The following CASR variants were observed in gnomAD, a reference collection of about 807,000 sequenced individuals.
CASR encodes the protein calcium sensing receptor.
A neutral mutation model predicts 69.1 loss-of-function variants in CASR; 23 were observed. That is an observed-to-expected ratio of 0.33 (90% CI 0.24 to 0.47). The LOEUF (loss-of-function observed/expected upper bound fraction) is 0.47, where lower values mean the gene tolerates loss of function less well. Among genes scored for constraint, CASR ranks in the 20% least tolerant of loss-of-function variants. The pLI is 1.00. For synonymous variants in CASR, 541 were observed against 544.7 expected, an observed-to-expected ratio of 0.99 and a Z score of 0.10; for missense variants, 924 against 1,356.1, an observed-to-expected ratio of 0.68 and a Z score of 5.00.
intron 4 of CASR, among the ~76,000 whole-genome samples, chr3:122,268,808 CA>C (rs1576864613): frequency 1.3e-5 from 2 of 152,294 alleles, no homozygotes; most frequent in East Asian, 3.9e-4. Context: ...GATACAGGCA[CA>C]GATAAGGGAG....
intron 2 of CASR, among the ~76,000 whole-genome samples, chr3:122,256,503 C>A (rs1430339585): frequency 1.3e-5 from 2 of 150,980 alleles, no homozygotes; most frequent in African/African-American, 2.5e-5. Context: ...TTATTATTGT[C>A]ATTATTGCTC....
chr3:122,209,744 G>A (rs2074043680), intron 1 of CASR, among the ~76,000 whole-genome samples: 1 of 152,094 alleles, frequency 6.6e-6, no homozygotes, highest in Admixed American at 6.6e-5. Flanking sequence ...ATTTTATGAG[G>A]CCAACATCAT....
At chr3:122,240,703 C>T (rs1225232736) in intron 1 of CASR, among the ~76,000 whole-genome samples, 2 of 152,156 alleles carry the variant, frequency 1.3e-5, no homozygotes, top group East Asian at 1.9e-4. Context: ...ATTTACAGAA[C>T]GTTTCATCTA....
At chr3:122,236,510 T>G (rs1049207013) in intron 1 of CASR, among the ~76,000 whole-genome samples, 1 of 152,106 alleles carries the variant, frequency 6.6e-6, no homozygotes. Flanking sequence ...AAAATAAAAT[T>G]CAGTTTGAAC....
At chr3:122,254,914 C>G (rs1182542242) in intron 2 of CASR, among the ~76,000 whole-genome samples, 1 of 152,042 alleles carries the variant, frequency 6.6e-6, no homozygotes, top group African/African-American at 2.4e-5. Context: ...CTACTGCCAT[C>G]AAAAAGTCTT....
At chr3:122,226,227 G>C (rs780053335) in intron 1 of CASR, among the ~76,000 whole-genome samples, 10 of 152,136 alleles carry the variant, frequency 6.6e-5, no homozygotes, top group Non-Finnish European at 1.5e-4. Context: ...TGTGTTCGGA[G>C]TTTCTTCCTT....
At chr3:122,264,573 C>A (rs1159900287) in intron 4 of CASR, among the ~76,000 whole-genome samples, 1 of 152,190 alleles carries the variant, frequency 6.6e-6, no homozygotes, top group Non-Finnish European at 1.5e-5. Flanking sequence ...TTCACCCAAC[C>A]ATGGCCCAGG....
At chr3:122,270,630 C>T (rs2074747701) in intron 4 of CASR, among the ~76,000 whole-genome samples, 4 of 152,274 alleles carry the variant, frequency 2.6e-5, no homozygotes, top group Middle Eastern at 6.8e-3. Flanking sequence ...ATAATATAGA[C>T]ATTTACTGCT....
chr3:122,272,218 T>A (rs2074768199), intron 4 of CASR, among the ~76,000 whole-genome samples: 1 of 152,104 alleles, frequency 6.6e-6, no homozygotes, highest in Non-Finnish European at 1.5e-5. Context: ...CCAGTTTACA[T>A]CCCCACCAGC....
chr3:122,247,639 T>C lies in CASR; in HGVS notation c.-242-6309T>C, dbSNP rs1576846880. The stretch of plus-strand genomic sequence containing the variant: ...AGTCCTATGTGGACACAGAGTTTGT[T>C]ATGTTGCCGGCAGTACACACAAGTA... On this transcript the variant is annotated intron_variant, in intron 1 of 6. Transcript: ENST00000639785. The C allele has an allele frequency of 2.6e-5, 4 of 152,226 alleles. No homozygotes were observed. The South Asian group carries it at 8.3e-4, about 31-fold the overall frequency. The allele number at this position is 152,226 out of a possible 1,614,324, so 9.4% of individuals were successfully genotyped here.
chr3:122,225,261 A>C (rs1267746553), intron 1 of CASR, among the ~76,000 whole-genome samples: 3 of 152,178 alleles, frequency 2.0e-5, no homozygotes, highest in Non-Finnish European at 4.4e-5. Context: ...AGCAAACAAA[A>C]CTATCAACAG....
intron 1 of CASR, among the ~76,000 whole-genome samples, chr3:122,231,081 T>C (rs972457939): frequency 1.3e-5 from 2 of 152,188 alleles, no homozygotes; most frequent in African/African-American, 2.4e-5. Flanking sequence ...GCAGTCACTT[T>C]AGAGACATCA....
intron 1 of CASR, among the ~76,000 whole-genome samples, chr3:122,196,805 C>A (rs1459051605): frequency 1.3e-5 from 2 of 151,786 alleles, no homozygotes; most frequent in Non-Finnish European, 2.9e-5. Flanking sequence ...CCTTTGCTAC[C>A]CCCAGTTTTA....
At chr3:122,279,345 C>G (rs1379975084) in intron 5 of CASR, among the ~76,000 whole-genome samples, 1 of 152,088 alleles carries the variant, frequency 6.6e-6, no homozygotes, top group Non-Finnish European at 1.5e-5. Flanking sequence ...AGAAGGAAAG[C>G]TACTAAATTT....
intron 1 of CASR, among the ~76,000 whole-genome samples, chr3:122,217,393 G>A (rs529585618): frequency 6.6e-6 from 1 of 152,228 alleles, no homozygotes; most frequent in African/African-American, 2.4e-5. Context: ...GAGCCACCAC[G>A]CCTGGCCAGG....
Position 122,284,679 on chromosome 3 carries a change from A to G in CASR, c.2725A>G (p.Thr909Ala), listed in dbSNP as rs1559969557. ...SSSLGGSTGS[T>A]PSSSISSKSN... Reference sequence around the variant, plus strand: ...CAGCCTTGGAGGCTCCACGGGATCCACCCCCTCCTCCTCCATCAGCAGCAA... The same window carrying G: ...CAGCCTTGGAGGCTCCACGGGATCCGCCCCCTCCTCCTCCATCAGCAGCAA... The change falls in exon 7 of 7, where the codon ACC becomes GCC. Residue 909 changes from threonine to alanine, a missense_variant. Transcript: ENST00000639785. 6.2e-7 allele frequency: 1 copy of G among 1,613,144 alleles called. No homozygotes were observed. The highest frequency in any genetic ancestry group is 8.5e-7 in the Non-Finnish European group (1 of 1,179,388).
intron 1 of CASR, among the ~76,000 whole-genome samples, chr3:122,188,734 G>A (rs763620189): frequency 6.6e-5 from 10 of 152,088 alleles, no homozygotes; most frequent in Non-Finnish European, 1.5e-4. Context: ...GGTACTGTTG[G>A]TTCAACTCTT....
At chr3:122,239,440 A>G (rs1684036932) in intron 1 of CASR, among the ~76,000 whole-genome samples, 1 of 152,214 alleles carries the variant, frequency 6.6e-6, no homozygotes, top group Non-Finnish European at 1.5e-5. Context: ...GTTGGCTCAA[A>G]TCCTGGCTCC....
intron 1 of CASR, among the ~76,000 whole-genome samples, chr3:122,212,375 A>G (rs1240118984): frequency 6.6e-6 from 1 of 152,236 alleles, no homozygotes; most frequent in Non-Finnish European, 1.5e-5. Flanking sequence ...ACATGGACAC[A>G]GGGAGAGGAA....
Sources: gnomAD v4.1 joint callset for allele counts (sites outside exome capture counted in the v4.1 genomes callset) on GRCh38, gnomAD v4.1.1 for gene constraint, MANE v1.5 for transcripts, NCBI Gene and HGNC (gene_info 2026-07-23, HGNC 2026-07-21) for gene names.